The following GRIP1 variants were observed in gnomAD, a reference collection of about 807,000 sequenced individuals.
The protein encoded by GRIP1 is glutamate receptor-interacting protein 1.
Under a neutral mutation model 129.9 loss-of-function variants are expected in GRIP1, and 45 were observed. The ratio of observed to expected loss-of-function variants is 0.35; its 90% confidence interval spans 0.27 to 0.44. The LOEUF is 0.44. Ranked by LOEUF, GRIP1 falls within the 20% of genes least tolerant of loss-of-function variation. The pLI, the probability that GRIP1 is intolerant of heterozygous loss-of-function variation, is 1.00. For missense variants in GRIP1, 1,196 were observed against 1,396.8 expected (o/e 0.86, Z 2.29); for synonymous variants, 530 against 520.8 (o/e 1.02, Z -0.24).
At chr12:66,972,010 G>A (rs867117057) in intron 1 of GRIP1, among the ~76,000 whole-genome samples, 3 of 152,134 alleles carry the variant, frequency 2.0e-5, no homozygotes, top group East Asian at 1.9e-4. Flanking sequence ...AACAAGAACC[G>A]CGAGGACCTT....
chr12:66,876,038 G>A (rs2040376635), intron 1 of GRIP1, among the ~76,000 whole-genome samples: 1 of 151,998 alleles, frequency 6.6e-6, no homozygotes, highest in African/African-American at 2.4e-5. Context: ...AATCTTCAGA[G>A]TGAAGAAAAG....
chr12:67,051,916 T>C (rs1325265438), intron 1 of GRIP1, among the ~76,000 whole-genome samples: 1 of 152,234 alleles, frequency 6.6e-6, no homozygotes, highest in Non-Finnish European at 1.5e-5. Context: ...GTTTAACATA[T>C]ATTGAAAGCC....
chr12:66,584,934 C>T (rs1456139534), intron 2 of GRIP1, among the ~76,000 whole-genome samples: 1 of 152,018 alleles, frequency 6.6e-6, no homozygotes, highest in Non-Finnish European at 1.5e-5. Flanking sequence ...CACACATCTT[C>T]TCAGCAGGGA....
chr12:66,794,718 T>C (rs1308820255), intron 1 of GRIP1, among the ~76,000 whole-genome samples: 1 of 152,180 alleles, frequency 6.6e-6, no homozygotes, highest in Non-Finnish European at 1.5e-5. Context: ...GAGGGCTGGA[T>C]TGGAAGATCC....
At chr12:66,968,042 T>A (rs950803329) in intron 1 of GRIP1, among the ~76,000 whole-genome samples, 2 of 152,164 alleles carry the variant, frequency 1.3e-5, no homozygotes, top group Non-Finnish European at 2.9e-5. Context: ...GGTGTTGAAG[T>A]CCACAGCTAC....
chr12:67,058,249 T>C (rs1161093414), intron 1 of GRIP1, among the ~76,000 whole-genome samples: 1 of 152,246 alleles, frequency 6.6e-6, no homozygotes, highest in African/African-American at 2.4e-5. Context: ...AAAACTACAT[T>C]CAGTACCTTT....
intron 15 of GRIP1, among the ~76,000 whole-genome samples, chr12:66,410,386 C>T (rs2057354942): frequency 6.7e-6 from 1 of 150,104 alleles, no homozygotes; most frequent in South Asian, 2.1e-4. Context: ...AATCCCAGCA[C>T]TTTGGGAGGC....
intron 1 of GRIP1, among the ~76,000 whole-genome samples, chr12:66,666,035 T>C (rs79167980): frequency 0.024 from 3,701 of 152,248 alleles, 86 homozygotes; most frequent in South Asian, 0.078. Flanking sequence ...GCCCTATACT[T>C]CCCTGCACTT....
intron 1 of GRIP1, among the ~76,000 whole-genome samples, chr12:66,674,090 C>A (rs766715855): frequency 1.3e-5 from 2 of 152,028 alleles, no homozygotes; most frequent in Non-Finnish European, 2.9e-5. Context: ...CAGGATCTGA[C>A]AGAGAAGGCC....
intron 2 of GRIP1, among the ~76,000 whole-genome samples, chr12:66,550,872 A>T (rs1490347805): frequency 2.0e-5 from 3 of 152,180 alleles, no homozygotes; most frequent in African/African-American, 7.2e-5. Flanking sequence ...GTGGACATTT[A>T]AATGTAAGAG....
At chr12:66,405,838 A>T (rs191885282) in intron 16 of GRIP1, among the ~76,000 whole-genome samples, 389 of 152,366 alleles carry the variant, frequency 2.6e-3, no homozygotes, top group African/African-American at 8.3e-3. Context: ...TGATTTAAGA[A>T]GAGAAGAAAG....
intron 1 of GRIP1, among the ~76,000 whole-genome samples, chr12:66,686,933 A>T (rs1215716600): frequency 6.6e-6 from 1 of 152,096 alleles, no homozygotes; most frequent in Non-Finnish European, 1.5e-5. Flanking sequence ...GTGATGGCAC[A>T]CACCTGTGGT....
intron 1 of GRIP1, among the ~76,000 whole-genome samples, chr12:66,629,858 T>C (rs754567858): frequency 4.3e-4 from 66 of 152,336 alleles, no homozygotes; most frequent in Non-Finnish European, 7.9e-4. Context: ...TCTAGTTTCA[T>C]ATAGCTTAAT....
intron 1 of GRIP1, among the ~76,000 whole-genome samples, chr12:66,908,291 C>A (rs2040969748): frequency 6.6e-6 from 1 of 152,096 alleles, no homozygotes; most frequent in African/African-American, 2.4e-5. Context: ...GTGTGGGTGG[C>A]AGGCTGAAAG....
At position 66,771,704 on chromosome 12, in the gene GRIP1, C is replaced by G. The variant is rs566163937; in HGVS notation, c.-420+32349G>C. ...GAGCCTACTGGGTCCCACCCCAAGG[C>G]CAGAGAGTCTCCTGCTGTTGGTTTA... On this transcript the variant is annotated intron_variant, in intron 1 of 4. Coordinates refer to the GRIP1 transcript ENST00000538373. Among the ~76,000 whole-genome samples the G allele has an allele frequency of 9.8e-4, 149 of 152,310 alleles. 1 individual carries two copies. Among genetic ancestry groups the G allele is most frequent in the Non-Finnish European group, 1.7e-3 (116 of 68,026 alleles).
intron 1 of GRIP1, among the ~76,000 whole-genome samples, chr12:66,760,614 G>T (rs1308267056): frequency 6.6e-6 from 1 of 152,150 alleles, no homozygotes; most frequent in Admixed American, 6.5e-5. Context: ...CTTCCTGTGG[G>T]TTCCTCCCAC....
intron 1 of GRIP1, among the ~76,000 whole-genome samples, chr12:66,840,344 G>A (rs1187369899): frequency 6.6e-6 from 1 of 152,166 alleles, no homozygotes; most frequent in South Asian, 2.1e-4. Flanking sequence ...TCAGTTTGGG[G>A]TGGTGGCTTT....
intron 2 of GRIP1, among the ~76,000 whole-genome samples, chr12:66,544,764 G>A (rs922886835): frequency 2.0e-5 from 3 of 152,170 alleles, no homozygotes; most frequent in Non-Finnish European, 4.4e-5. Context: ...GGTCAGGAGA[G>A]AAAGGAACCT....
intron 1 of GRIP1, among the ~76,000 whole-genome samples, chr12:66,605,812 T>C (rs1217778746): frequency 1.3e-5 from 2 of 152,140 alleles, no homozygotes; most frequent in African/African-American, 2.4e-5. Flanking sequence ...TGCTGAGAAA[T>C]TTCTAAATAA....
Sources: gnomAD v4.1 joint callset for allele counts (sites outside exome capture counted in the v4.1 genomes callset) on GRCh38, gnomAD v4.1.1 for gene constraint, MANE v1.5 for transcripts, NCBI Gene and HGNC (gene_info 2026-07-23, HGNC 2026-07-21) for gene names.